The following DOCK11 variants were observed in gnomAD, a reference collection of about 807,000 sequenced individuals.
The protein encoded by DOCK11 is dedicator of cytokinesis 11.
In DOCK11, 70 loss-of-function variants were observed where a neutral mutation model predicts 169.1. The observed-to-expected ratio is 0.41, with a 90% CI of 0.34 to 0.51. The LOEUF (loss-of-function observed/expected upper bound fraction) is 0.51. DOCK11 is among the 20% of genes least tolerant of loss of function. The pLI is 0.10. For missense variants in DOCK11, 1,166 were observed against 1,538.8 expected (o/e 0.76, Z 4.05); for synonymous variants, 529 against 541.3 (o/e 0.98, Z 0.32).
chrX:118,636,485 GTTTTTAATAGCT>G (rs2015390523), intron 36 of DOCK11, 73 bp downstream of exon 36: 1 of 476,374 alleles, frequency 2.1e-6, no homozygotes, highest in South Asian at 5.2e-5. Flanking sequence ...AATTTTTTCT[GTTTTTAATAGCT>G]TATTTGCTAA....
intron 16 of DOCK11, among the ~76,000 whole-genome samples, chrX:118,586,735 T>C (rs1000231297): frequency 1.8e-5 from 2 of 111,829 alleles, no homozygotes; most frequent in Non-Finnish European, 3.8e-5. Context: ...GTAAAGACCA[T>C]CACATATATA....
rs1328082772 is a variant in DOCK11, at chrX:118,647,554, T to G, written c.4399-1391T>G. 1.1e-3 allele frequency among the ~76,000 whole-genome samples: 80 copies of G among 71,686 alleles called. 1 individual carries two copies. Among genetic ancestry groups the G allele is most frequent in the Non-Finnish European group, 1.8e-3 (71 of 40,438 alleles). 62.3% of individuals were successfully genotyped at this position (71,686 alleles called of 115,157 possible). On this transcript the variant is annotated intron_variant, in intron 40 of 52. Coordinates refer to ENST00000276202, the MANE Select transcript of DOCK11 (RefSeq NM_144658.4). ...TAATATTATATATTATATATGTTAT[T>G]ATATATTAATATAATATATTAACAT...
At chrX:118,547,723 A>G (rs73585580) in intron 6 of DOCK11, among the ~76,000 whole-genome samples, 8,348 of 112,418 alleles carry the variant, frequency 0.074, 799 homozygotes, top group African/African-American at 0.26. Context: ...TAACCAGTAT[A>G]CTATCAGTGC....
intron 6 of DOCK11, among the ~76,000 whole-genome samples, chrX:118,549,237 C>T (rs986092884): frequency 1.6e-4 from 18 of 109,332 alleles, no homozygotes; most frequent in African/African-American, 5.7e-4. Flanking sequence ...CTCCACCTCC[C>T]GGGTTTAAGC....
chrX:118,603,829 C>T (rs2014413141), intron 23 of DOCK11, among the ~76,000 whole-genome samples: 1 of 111,877 alleles, frequency 8.9e-6, no homozygotes, highest in South Asian at 3.7e-4. Flanking sequence ...TGGCTAAAAA[C>T]GATGAACAGA....
At chrX:118,624,026 T>A (rs1263004686) in intron 31 of DOCK11, among the ~76,000 whole-genome samples, 2 of 113,034 alleles carry the variant, frequency 1.8e-5, no homozygotes, top group Admixed American at 1.9e-4. Flanking sequence ...ACCAAGTTCA[T>A]ATTATTGTAA....
intron 35 of DOCK11, chrX:118,632,437 C>T: frequency 8.9e-6 from 1 of 112,070 alleles, no homozygotes; most frequent in East Asian, 2.8e-4. Context: ...CAGTCTATGT[C>T]ACATCTGTTT....
At chrX:118,607,108 CCTT>C (rs2014535442) in intron 24 of DOCK11, among the ~76,000 whole-genome samples, 1 of 93,469 alleles carries the variant, frequency 1.1e-5, no homozygotes. Flanking sequence ...CTTTTCCTTT[CCTT>C]CTTTTTTTTT....
At position 118,610,296 on chromosome X, in the gene DOCK11, G is replaced by A. The variant is rs777801799; in HGVS notation, c.2974G>A (p.Glu992Lys). The A allele has an allele frequency of 5.0e-6, 6 of 1,209,227 alleles. No individual in the cohort carries two copies. The highest frequency in any genetic ancestry group is 3.5e-5 in the African/African-American group (2 of 57,160). Reference sequence around the variant, plus strand: ...GCTTCCCCGAGGCCAGAGATTTCCCGAGACATATCATCATGTCTTACATTC... The same window carrying A: ...GCTTCCCCGAGGCCAGAGATTTCCCAAGACATATCATCATGTCTTACATTC... ...IKLPRGQRFP[E>K]TYHHVLHSLL... Residue 992 changes from glutamate (E) to lysine (K), a missense_variant, in exon 28 of 53, where the codon GAG becomes AAG. By Grantham distance (56) the Glu-to-Lys change is moderately conservative (BLOSUM62 1). Coordinates refer to ENST00000276202, the MANE Select transcript of DOCK11 (RefSeq NM_144658.4).
At chrX:118,595,989 T>C (rs2014154479) in intron 20 of DOCK11, among the ~76,000 whole-genome samples, 1 of 111,612 alleles carries the variant, frequency 9.0e-6, no homozygotes, top group African/African-American at 3.3e-5. Flanking sequence ...TAAGTGGTGG[T>C]CATGGAGATA....
chrX:118,539,524 G>A (rs2011883961), intron 1 of DOCK11, among the ~76,000 whole-genome samples: 1 of 111,176 alleles, frequency 9.0e-6, no homozygotes, highest in South Asian at 3.7e-4. Context: ...CAATAGTATA[G>A]CATGCTGAAT....
At chrX:118,603,968 C>T (rs2014416585) in intron 23 of DOCK11, among the ~76,000 whole-genome samples, 1 of 112,201 alleles carries the variant, frequency 8.9e-6, no homozygotes, top group Non-Finnish European at 1.9e-5. Context: ...ATAACTTGGT[C>T]TTGATACTCT....
At chrX:118,533,941 G>A (rs1335265189) in intron 1 of DOCK11, among the ~76,000 whole-genome samples, 2 of 112,080 alleles carry the variant, frequency 1.8e-5, no homozygotes, top group Non-Finnish European at 1.9e-5. Context: ...TTGTGAACTC[G>A]TTAAATTCTT....
At chrX:118,555,905 A>T (rs2012670790) in intron 6 of DOCK11, among the ~76,000 whole-genome samples, 1 of 110,905 alleles carries the variant, frequency 9.0e-6, no homozygotes, top group Non-Finnish European at 1.9e-5. Context: ...CTGCCTCTAA[A>T]CCTTTGATGT....
intron 20 of DOCK11, among the ~76,000 whole-genome samples, chrX:118,594,876 A>G (rs1210145927): frequency 9.1e-6 from 1 of 110,321 alleles, no homozygotes; most frequent in Non-Finnish European, 1.9e-5. Context: ...GTAGGGGATT[A>G]TGGGGTGAAG....
At chrX:118,597,405 C>A (rs1199699994) in intron 20 of DOCK11, 26 bp from the exon 21 acceptor site, 1 of 1,209,114 alleles carries the variant, frequency 8.3e-7, no homozygotes, top group Non-Finnish European at 1.1e-6. Flanking sequence ...TATTTCATTT[C>A]TCACAGTTTG....
chrX:118,587,623 G>T (rs1469210636), intron 16 of DOCK11, among the ~76,000 whole-genome samples: 1 of 111,312 alleles, frequency 9.0e-6, no homozygotes, highest in East Asian at 2.8e-4. Flanking sequence ...CACGGTCGGG[G>T]TATTGAGTTT....
intron 48 of DOCK11, among the ~76,000 whole-genome samples, chrX:118,679,223 T>G (rs1447396312): frequency 8.9e-6 from 1 of 111,820 alleles, no homozygotes; most frequent in Non-Finnish European, 1.9e-5. Flanking sequence ...CCACTGCAAC[T>G]GGCCCCATGT....
intron 4 of DOCK11, among the ~76,000 whole-genome samples, chrX:118,544,645 CTTTTTTTTTT>C (rs1157804079): frequency 9.4e-4 from 22 of 23,362 alleles, no homozygotes; most frequent in African/African-American, 1.4e-3. Context: ...TACACTGTTG[CTTTTTTTTTT>C]TTTTTTTTTT....
Sources: allele counts gnomAD v4.1 joint callset (sites outside exome capture counted in the v4.1 genomes callset), GRCh38; gene constraint gnomAD v4.1.1; transcripts MANE v1.5; gene names NCBI Gene and HGNC (gene_info 2026-07-23, HGNC 2026-07-21).